CDH4: variants seen among roughly 807,000 people sequenced by gnomAD.
The protein encoded by CDH4 is cadherin 4.
CDH4 carries 33 observed loss-of-function variants against 86.0 expected under a neutral mutation model. The observed-to-expected ratio is 0.38, with a 90% CI of 0.29 to 0.51. CDH4 has a LOEUF of 0.51. CDH4 is among the 20% of genes least tolerant of loss of function. The pLI, the probability that CDH4 is intolerant of heterozygous loss-of-function variation, is 0.86. For synonymous variants in CDH4, 555 were observed against 549.4 expected, an observed-to-expected ratio of 1.01 and a Z score of -0.14; for missense variants, 1,114 against 1,307.4, an observed-to-expected ratio of 0.85 and a Z score of 2.28.
rs895950943 is a variant in CDH4 at position 61,731,757 on chromosome 20, T to C, written c.170-11806T>C. On this transcript the variant is annotated intron_variant, in intron 2 of 15. Transcript: ENST00000614565. The stretch of plus-strand genomic sequence containing the variant: ...AGACGTGAGTGAGTGGCTCGTGGGG[T>C]AGAAGGTTCTCAAACTGTTGCAGGT... 3.3e-5 allele frequency among the ~76,000 whole-genome samples: 5 copies of C among 151,896 alleles called. No homozygotes were observed. In the South Asian group the frequency reaches 1.0e-3, roughly 32 times the overall value.
chr20:61,387,576 A>G (rs963355715), intron 2 of CDH4, among the ~76,000 whole-genome samples: 2 of 152,190 alleles, frequency 1.3e-5, no homozygotes, highest in Non-Finnish European at 2.9e-5. Context: ...ATACAGAGAC[A>G]TAGACACACG....
chr20:61,530,714 T>C (rs985088735), intron 2 of CDH4, among the ~76,000 whole-genome samples: 2 of 152,096 alleles, frequency 1.3e-5, no homozygotes, highest in Non-Finnish European at 2.9e-5. Flanking sequence ...TCTGTTACCC[T>C]AAACCGTGGA....
intron 8 of CDH4, among the ~76,000 whole-genome samples, chr20:61,904,002 A>C (rs1276598559): frequency 6.6e-6 from 1 of 152,126 alleles, no homozygotes; most frequent in Admixed American, 6.5e-5. Context: ...TGCTCTTGCA[A>C]ATGTGGCTTC....
intron 2 of CDH4, among the ~76,000 whole-genome samples, chr20:61,666,766 T>C (rs866184332): frequency 6.6e-6 from 1 of 152,156 alleles, no homozygotes; most frequent in African/African-American, 2.4e-5. Flanking sequence ...CGATGGGGTG[T>C]TGGGAATCTG....
intron 2 of CDH4, among the ~76,000 whole-genome samples, chr20:61,330,680 C>T (rs1262679917): frequency 6.6e-6 from 1 of 152,208 alleles, no homozygotes; most frequent in South Asian, 2.1e-4. Flanking sequence ...CTCATTCCCA[C>T]GAACGGGGTC....
chr20:61,490,714 C>T (rs1477469912), intron 2 of CDH4, among the ~76,000 whole-genome samples: 8 of 151,748 alleles, frequency 5.3e-5, no homozygotes, highest in South Asian at 2.1e-4. Flanking sequence ...AAAAAAGTTA[C>T]AGTGTTTGCC....
At chr20:61,320,254 C>G (rs544930664) in intron 2 of CDH4, among the ~76,000 whole-genome samples, 22 of 152,252 alleles carry the variant, frequency 1.4e-4, no homozygotes, top group African/African-American at 5.3e-4. Context: ...TCCCTGCGTT[C>G]CTTGTTTCAG....
rs532752871 is a variant in CDH4 at position 61,545,443 on chromosome 20, G to A, written c.170-198120G>A. The stretch of plus-strand genomic sequence containing the variant: ...ATCAGTCTGTCACGGGAAGGACGCT[G>A]ACCCCGGCGCTCCCCAGGCTGCACG... On this transcript the variant is annotated intron_variant, in intron 2 of 15. Transcript: ENST00000614565. Among the ~76,000 whole-genome samples, 435 of 152,270 alleles carry A rather than the reference G, an allele frequency of 2.9e-3. 2 individuals are homozygous for A. Among genetic ancestry groups the A allele is most frequent in the Middle Eastern group, 0.01 (3 of 292 alleles).
intron 2 of CDH4, among the ~76,000 whole-genome samples, chr20:61,547,547 G>A (rs558657939): frequency 9.5e-5 from 14 of 147,822 alleles, no homozygotes; most frequent in African/African-American, 2.5e-4. Context: ...GTGATTCTCC[G>A]TAGTGAGTCT....
At chr20:61,877,996 G>A (rs546014543) in intron 7 of CDH4, among the ~76,000 whole-genome samples, 27 of 152,276 alleles carry the variant, frequency 1.8e-4, no homozygotes, top group South Asian at 2.1e-4. Flanking sequence ...CAGGAACCAC[G>A]GGGGCCCCAG....
intron 2 of CDH4, among the ~76,000 whole-genome samples, chr20:61,671,502 A>G (rs1373296043): frequency 6.6e-6 from 1 of 152,080 alleles, no homozygotes; most frequent in Admixed American, 6.5e-5. Context: ...TCTCTAGAAA[A>G]AAAAGAATAA....
chr20:61,617,137 G>T (rs747573769), intron 2 of CDH4, among the ~76,000 whole-genome samples: 21 of 152,218 alleles, frequency 1.4e-4, no homozygotes, highest in Non-Finnish European at 3.1e-4. Flanking sequence ...GGCTCCCACC[G>T]CACCCACCAC....
chr20:61,680,861 A>G (rs2087504665), intron 2 of CDH4, among the ~76,000 whole-genome samples: 1 of 152,102 alleles, frequency 6.6e-6, no homozygotes, highest in African/African-American at 2.4e-5. Flanking sequence ...CGTCCTTCAG[A>G]GGGACTGGAT....
chr20:61,913,550 C>T (rs939249297), intron 9 of CDH4, among the ~76,000 whole-genome samples: 1 of 152,252 alleles, frequency 6.6e-6, no homozygotes, highest in Non-Finnish European at 1.5e-5. Context: ...AGAGGAGCCA[C>T]TGGTTCCAAG....
At chr20:61,683,180 G>A (rs2087535903) in intron 2 of CDH4, among the ~76,000 whole-genome samples, 1 of 152,156 alleles carries the variant, frequency 6.6e-6, no homozygotes, top group Admixed American at 6.5e-5. Context: ...GCAGAGTACG[G>A]AGAAGTGCAC....
chr20:61,475,289 A>G (rs902981399), intron 2 of CDH4, among the ~76,000 whole-genome samples: 5 of 151,922 alleles, frequency 3.3e-5, no homozygotes, highest in Middle Eastern at 3.2e-3. Context: ...GACCCCTTCT[A>G]CCAACCCCAG....
intron 2 of CDH4, among the ~76,000 whole-genome samples, chr20:61,535,209 C>T (rs984545228): frequency 6.6e-6 from 1 of 152,234 alleles, no homozygotes; most frequent in South Asian, 2.1e-4. Context: ...GAAGCTGAGG[C>T]TCAGAAGTGC....
At chr20:61,871,123 G>T (rs755814620) in intron 6 of CDH4, among the ~76,000 whole-genome samples, 3 of 151,912 alleles carry the variant, frequency 2.0e-5, no homozygotes, top group African/African-American at 7.3e-5. Context: ...CATTTCCAAG[G>T]TGCCCTCTAG....
At chr20:61,528,917 A>G (rs940941362) in intron 2 of CDH4, among the ~76,000 whole-genome samples, 4 of 151,178 alleles carry the variant, frequency 2.6e-5, no homozygotes, top group Non-Finnish European at 4.4e-5. Flanking sequence ...CTTACGGTCC[A>G]TAGATGACAT....
Sources: gnomAD v4.1 joint callset for allele counts (sites outside exome capture counted in the v4.1 genomes callset) on GRCh38, gnomAD v4.1.1 for gene constraint, MANE v1.5 for transcripts, NCBI Gene and HGNC (gene_info 2026-07-23, HGNC 2026-07-21) for gene names.